MYRIP: variants seen among roughly 807,000 people sequenced by gnomAD.
MYRIP encodes the protein myosin VIIA and Rab interacting protein.
A neutral mutation model predicts 98.0 loss-of-function variants in MYRIP; 49 were observed. The ratio of observed to expected loss-of-function variants is 0.50; its 90% CI spans 0.40 to 0.63. The LOEUF is 0.63. Among genes scored for constraint, MYRIP ranks in the 30% least tolerant of loss-of-function variants. The pLI, the probability that MYRIP is intolerant of heterozygous loss-of-function variation, is 0.00. For synonymous variants in MYRIP, 404 were observed against 409.5 expected (o/e 0.99, Z 0.16); for missense variants, 1,004 against 1,058.2 (o/e 0.95, Z 0.71).
chr3:39,856,952 C>A (rs1229378190), intron 1 of MYRIP, among the ~76,000 whole-genome samples: 4 of 152,144 alleles, frequency 2.6e-5, no homozygotes, highest in Non-Finnish European at 4.4e-5. Flanking sequence ...GTGGCTCATG[C>A]TTAATCTCAG....
chr3:39,938,158 A>G lies in MYRIP; in HGVS notation c.110+37232A>G, dbSNP rs183751760. 1.6e-4 allele frequency among the ~76,000 whole-genome samples: 24 copies of G among 152,320 alleles called. No individual in the cohort carries two copies. In the East Asian group the frequency reaches 3.7e-3, roughly 23 times the overall value. ...CACCCTGTGCTGCCTTTTAATCACT[A>G]TTCACCAAGGATAATGCCAGCCTTG... On this transcript the variant is annotated intron_variant, in intron 2 of 16. Coordinates refer to ENST00000302541, the MANE Select transcript of MYRIP (RefSeq NM_015460.4).
chr3:39,990,327 T>C (rs1447370248), intron 2 of MYRIP, among the ~76,000 whole-genome samples: 1 of 152,202 alleles, frequency 6.6e-6, no homozygotes, highest in East Asian at 1.9e-4. Context: ...ATTTCCGATG[T>C]TGGAATCTGG....
intron 1 of MYRIP, among the ~76,000 whole-genome samples, chr3:39,861,357 T>G (rs1372932456): frequency 6.6e-6 from 1 of 151,920 alleles, no homozygotes; most frequent in African/African-American, 2.4e-5. Flanking sequence ...GACAGCAAAT[T>G]CAAAGATTAA....
Position 40,085,413 on chromosome 3 carries a change from T to G in MYRIP, c.332+41142T>G, listed in dbSNP as rs576142447. Reference sequence around the variant, plus strand: ...TGATTCTCCTCCTCAGCCTCCCAAGTAGCTGGGATTACAGGCACCCACCAC... The same window carrying G: ...TGATTCTCCTCCTCAGCCTCCCAAGGAGCTGGGATTACAGGCACCCACCAC... On this transcript the variant is annotated intron_variant, in intron 3 of 16. Coordinates refer to ENST00000302541, the MANE Select transcript of MYRIP (RefSeq NM_015460.4). 1.2e-4 allele frequency among the ~76,000 whole-genome samples: 18 copies of G among 152,198 alleles called. 1 individual carries two copies. In the East Asian group the frequency reaches 3.5e-3, roughly 29 times the overall value.
intron 1 of MYRIP, among the ~76,000 whole-genome samples, chr3:39,900,351 A>AT (rs142392094): frequency 1.3e-5 from 2 of 151,068 alleles, no homozygotes; most frequent in East Asian, 1.9e-4. Context: ...AAGTATTATA[A>AT]TTTTTTTTAT....
At chr3:39,842,632 C>A (rs13078951) in intron 1 of MYRIP, among the ~76,000 whole-genome samples, 30,010 of 152,102 alleles carry the variant, frequency 0.2, 3,077 homozygotes, top group South Asian at 0.29. Context: ...TTGCAGAGAC[C>A]ATGGGAAAAG....
intron 8 of MYRIP, among the ~76,000 whole-genome samples, chr3:40,176,568 A>G (rs1320650235): frequency 6.6e-6 from 1 of 152,122 alleles, no homozygotes; most frequent in Non-Finnish European, 1.5e-5. Context: ...TAGGCAATAC[A>G]GTGAGACCCC....
chr3:39,818,244 A>G (rs1214931386), intron 1 of MYRIP, among the ~76,000 whole-genome samples: 1 of 152,216 alleles, frequency 6.6e-6, no homozygotes, highest in African/African-American at 2.4e-5. Context: ...ACCCTCCAGA[A>G]AAGTTTATAA....
At chr3:39,871,216 G>A (rs1021312497) in intron 1 of MYRIP, among the ~76,000 whole-genome samples, 4 of 152,186 alleles carry the variant, frequency 2.6e-5, no homozygotes, top group Admixed American at 2.0e-4. Flanking sequence ...AGAACACAGT[G>A]CTTGAATATG....
At chr3:39,957,386 A>G (rs1432558689) in intron 2 of MYRIP, among the ~76,000 whole-genome samples, 1 of 152,100 alleles carries the variant, frequency 6.6e-6, no homozygotes, top group Non-Finnish European at 1.5e-5. Context: ...ATGCAAATCA[A>G]TAAACGTAAT....
chr3:40,190,278 C>T lies in MYRIP; in HGVS notation c.1480C>T (p.Leu494=). The T allele has an allele frequency of 3.1e-6, 5 of 1,614,054 alleles. No homozygotes were observed. The highest frequency in any genetic ancestry group is 4.2e-6 in the Non-Finnish European group (5 of 1,180,012). The part of the protein sequence containing the change: ...AAEKMRLHGE[L]DVNFNPQLAS... Reference sequence around the variant, plus strand: ...TGAGAAGATGCGCTTGCATGGAGAGCTGGACGTGAACTTCAACCCCCAGTT... The same window carrying T: ...TGAGAAGATGCGCTTGCATGGAGAGTTGGACGTGAACTTCAACCCCCAGTT... Residue 494 remains leucine, a synonymous_variant, in exon 10 of 17, where the codon CTG becomes TTG. Coordinates refer to ENST00000302541, the MANE Select transcript of MYRIP (RefSeq NM_015460.4).
intron 4 of MYRIP, among the ~76,000 whole-genome samples, chr3:40,157,832 G>A (rs576637092): frequency 1.8e-4 from 27 of 150,870 alleles, no homozygotes; most frequent in African/African-American, 4.9e-4. Context: ...CTGTGGGATC[G>A]GTGGTGATAT....
chr3:40,254,378 C>T (rs986994773), intron 16 of MYRIP, among the ~76,000 whole-genome samples: 2 of 144,598 alleles, frequency 1.4e-5, no homozygotes, highest in African/African-American at 2.6e-5. Flanking sequence ...TCAGGTGACA[C>T]AGACAAATGG....
At chr3:40,093,573 A>G (rs1276954798) in intron 3 of MYRIP, among the ~76,000 whole-genome samples, 1 of 152,328 alleles carries the variant, frequency 6.6e-6, no homozygotes, top group East Asian at 1.9e-4. Context: ...GCTATCAGGT[A>G]TGTTTACCCC....
intron 3 of MYRIP, among the ~76,000 whole-genome samples, chr3:40,120,922 C>A (rs546571141): frequency 6.6e-6 from 1 of 152,118 alleles, no homozygotes; most frequent in Non-Finnish European, 1.5e-5. Flanking sequence ...TAAATGAAAC[C>A]ATTTCATTCC....
At chr3:40,254,922 C>T (rs1209010161) in intron 16 of MYRIP, among the ~76,000 whole-genome samples, 2 of 152,170 alleles carry the variant, frequency 1.3e-5, no homozygotes, top group Non-Finnish European at 2.9e-5. Context: ...TACCTTTTAT[C>T]CTTCACCCAT....
chr3:39,858,263 A>G (rs776440662), intron 1 of MYRIP, among the ~76,000 whole-genome samples: 27 of 152,180 alleles, frequency 1.8e-4, no homozygotes, highest in Non-Finnish European at 3.5e-4. Flanking sequence ...GTTAGACAAA[A>G]TACACTTTCA....
chr3:39,886,259 A>G (rs1247535182), intron 1 of MYRIP, among the ~76,000 whole-genome samples: 1 of 150,982 alleles, frequency 6.6e-6, no homozygotes, highest in Non-Finnish European at 1.5e-5. Context: ...GACCATCGAG[A>G]CTAGGAAGAA....
chr3:40,132,414 C>T (rs780550768), intron 3 of MYRIP, among the ~76,000 whole-genome samples: 33 of 72,492 alleles, frequency 4.6e-4, no homozygotes, highest in Non-Finnish European at 9.0e-4. Flanking sequence ...TCTGCTTTTG[C>T]CACCTGCCCA....
Sources: allele counts gnomAD v4.1 joint callset (sites outside exome capture counted in the v4.1 genomes callset), GRCh38; gene constraint gnomAD v4.1.1; transcripts MANE v1.5; gene names NCBI Gene and HGNC (gene_info 2026-07-23, HGNC 2026-07-21).